Variants in CNGB3 observed in about 807,000 individuals in gnomAD.
CNGB3 encodes cyclic nucleotide-gated channel beta-3.
A neutral mutation model predicts 92.8 loss-of-function variants in CNGB3; 86 were observed. The observed-to-expected ratio is 0.93, with a 90% CI of 0.78 to 1.11. The LOEUF is 1.11. Ranked by LOEUF, CNGB3 falls within the 50% of genes least tolerant of loss-of-function variation. The pLI is 0.00. For synonymous variants in CNGB3, 333 were observed against 332.7 expected (o/e 1.00, Z -0.01); for missense variants, 1,026 against 956.8 (o/e 1.07, Z -0.95).
intron 2 of CNGB3, among the ~76,000 whole-genome samples, chr8:86,734,942 C>T (rs1025560754): frequency 2.7e-5 from 4 of 149,998 alleles, no homozygotes; most frequent in Non-Finnish European, 5.9e-5. Flanking sequence ...TATACATGAG[C>T]AAAATGACAC....
chr8:86,730,389 A>G (rs1825138182), intron 2 of CNGB3, among the ~76,000 whole-genome samples: 1 of 152,226 alleles, frequency 6.6e-6, no homozygotes, highest in Non-Finnish European at 1.5e-5. Flanking sequence ...TATGAAAAGC[A>G]CAAGACTTGA....
chr8:86,642,492 A>G (rs6471449), intron 10 of CNGB3, among the ~76,000 whole-genome samples: 136,164 of 151,600 alleles, frequency 0.9, 61,423 homozygotes, highest in East Asian at 1. Context: ...AATCCCTTAT[A>G]CATATCCAAC....
In CNGB3 at chr8:86,626,057, G is replaced by C. The variant is rs777623754; in HGVS notation, c.1504C>G (p.Leu502Val). The change falls in exon 13 of 18, where the codon CTA (leucine) becomes GTA (valine). Residue 502 changes from leucine to valine, a missense_variant. By Grantham distance (32) the Leu-to-Val change is conservative (BLOSUM62 1). Transcript: ENST00000320005. ...MLDESDLLKT[L>V]PTTVQLALAI... The stretch of plus-strand genomic sequence containing the variant: ...AGGGCTAACTGGACCGTAGTTGGTA[G>C]GGTCTTAAGCAAATCAGACTCATCT... The C allele has an allele frequency of 1.2e-6, 2 of 1,613,434 alleles. No homozygotes were observed. Among genetic ancestry groups the C allele is most frequent in the South Asian group, 1.1e-5 (1 of 91,034 alleles).
intron 9 of CNGB3, 28 bp from the exon 10 acceptor site, chr8:86,643,901 G>T: frequency 6.3e-7 from 1 of 1,596,846 alleles, no homozygotes; most frequent in Non-Finnish European, 8.6e-7. Context: ...TGCAAAGTAA[G>T]ATTCATGTTG....
chr8:86,636,287 T>C lies in CNGB3; in HGVS notation c.1179-3394A>G, dbSNP rs999618664. 2.6e-5 allele frequency among the ~76,000 whole-genome samples: 4 copies of C among 152,110 alleles called. No individual in the cohort carries two copies. In the East Asian group the frequency reaches 7.8e-4, roughly 30 times the overall value. On this transcript the variant is annotated intron_variant, in intron 10 of 17. Transcript: ENST00000320005. ...TTTGAATATACAGTTAAAGCACTAA[T>C]GAGGCCGGGCATGGCGGCTCACACC...
intron 10 of CNGB3, among the ~76,000 whole-genome samples, chr8:86,640,423 GGA>G: frequency 6.6e-6 from 1 of 152,028 alleles, no homozygotes; most frequent in East Asian, 1.9e-4. Flanking sequence ...CAAGAAATCA[GGA>G]GAGAGAGAAA....
chr8:86,653,897 A>G (rs2131602803), intron 7 of CNGB3, 115 bp downstream of exon 7: 1 of 764,482 alleles, frequency 1.3e-6, no homozygotes, highest in South Asian at 1.5e-5. Flanking sequence ...CAGGCTTATC[A>G]TTGTCTAATA....
At chr8:86,640,946 C>T (rs1823171914) in intron 10 of CNGB3, among the ~76,000 whole-genome samples, 1 of 151,902 alleles carries the variant, frequency 6.6e-6, no homozygotes, top group South Asian at 2.1e-4. Flanking sequence ...GCTGCCTTCC[C>T]AGGAGGTTAA....
At chr8:86,690,592 G>A (rs1291932678) in intron 3 of CNGB3, among the ~76,000 whole-genome samples, 1 of 152,146 alleles carries the variant, frequency 6.6e-6, no homozygotes, top group African/African-American at 2.4e-5. Context: ...TTTGGCTTTT[G>A]TTGCCATTGC....
Position 86,658,686 on chromosome 8 carries a change from T to C in CNGB3, c.853-4624A>G, listed in dbSNP as rs1233320246. On this transcript the variant is annotated intron_variant, in intron 6 of 17. Transcript: ENST00000320005. ...CATCTCCTTCAGCTCACCCAGCTTCTCGCTCGGCTCTTTCTTGATGTGCTG... is the reference window on the plus strand; with the variant it reads ...CATCTCCTTCAGCTCACCCAGCTTCCCGCTCGGCTCTTTCTTGATGTGCTG... The C allele has an allele frequency of 1.0e-5, 4 of 385,836 alleles. No individual in the cohort carries two copies. The Admixed American group carries it at 1.4e-4, about 14-fold the overall frequency. The allele number at this position is 385,836 out of a possible 1,614,324, so 23.9% of individuals were successfully genotyped here. A position where few individuals can be genotyped will look rare whatever the true frequency, so the allele number is the denominator to read the frequency against.
chr8:86,676,436 T>G (rs1392459771), intron 3 of CNGB3, among the ~76,000 whole-genome samples: 1 of 152,126 alleles, frequency 6.6e-6, no homozygotes, highest in African/African-American at 2.4e-5. Context: ...TAACGTAAGA[T>G]CCCAAGTGAC....
chr8:86,740,760 C>A (rs1825326368), intron 1 of CNGB3, among the ~76,000 whole-genome samples: 1 of 152,102 alleles, frequency 6.6e-6, no homozygotes, highest in Non-Finnish European at 1.5e-5. Context: ...TAACCATATA[C>A]ATTAGGCAAG....
At chr8:86,589,154 A>G (rs1821965702) in intron 15 of CNGB3, among the ~76,000 whole-genome samples, 1 of 149,530 alleles carries the variant, frequency 6.7e-6, no homozygotes. Context: ...CTCTGATGGT[A>G]GTTTGTATTT....
intron 13 of CNGB3, among the ~76,000 whole-genome samples, chr8:86,620,707 G>T (rs992243992): frequency 3.3e-5 from 5 of 152,170 alleles, no homozygotes; most frequent in Non-Finnish European, 7.4e-5. Context: ...TTTCAGTGAA[G>T]GGAGGAGACT....
chr8:86,664,745 A>G (rs144699592), intron 6 of CNGB3, among the ~76,000 whole-genome samples: 2 of 152,300 alleles, frequency 1.3e-5, no homozygotes, highest in African/African-American at 4.8e-5. Context: ...AGTAAAGAAT[A>G]AAAAGATAGA....
intron 14 of CNGB3, among the ~76,000 whole-genome samples, chr8:86,606,823 C>T (rs756402684): frequency 5.3e-5 from 8 of 152,116 alleles, no homozygotes; most frequent in Non-Finnish European, 1.2e-4. Context: ...GGTGACAGCG[C>T]CAGAACTAGC....
At chr8:86,615,197 G>A (rs1822594490) in intron 13 of CNGB3, among the ~76,000 whole-genome samples, 1 of 152,096 alleles carries the variant, frequency 6.6e-6, no homozygotes. Context: ...GGATACCATG[G>A]GGTAGACTAT....
chr8:86,603,474 C>T (rs1217688917), intron 15 of CNGB3, among the ~76,000 whole-genome samples: 1 of 152,102 alleles, frequency 6.6e-6, no homozygotes, highest in Non-Finnish European at 1.5e-5. Flanking sequence ...ATAAACTTTT[C>T]CTGGCCAATA....
At chr8:86,593,821 C>T (rs1822108205) in intron 15 of CNGB3, 1 of 1,092,096 alleles carries the variant, frequency 9.2e-7, no homozygotes. Flanking sequence ...CCACATCTGT[C>T]AGGTCAGGGA....
Sources: gnomAD v4.1 joint callset for allele counts (sites outside exome capture counted in the v4.1 genomes callset) on GRCh38, gnomAD v4.1.1 for gene constraint, MANE v1.5 for transcripts, NCBI Gene and HGNC (gene_info 2026-07-23, HGNC 2026-07-21) for gene names.